CLMN: variants seen among roughly 807,000 people sequenced by gnomAD.
The protein encoded by CLMN is calmin (calponin-like, transmembrane).
Under a neutral mutation model 92.7 loss-of-function variants are expected in CLMN, and 57 were observed. The ratio of observed to expected loss-of-function variants is 0.61; its 90% confidence interval spans 0.50 to 0.77. The LOEUF (loss-of-function observed/expected upper bound fraction) is 0.77, where lower values mean the gene tolerates loss of function less well. Among genes scored for constraint, CLMN ranks in the 30% least tolerant of loss-of-function variants. The pLI is 0.00. For synonymous variants in CLMN, 466 were observed against 470.6 expected, an observed-to-expected ratio of 0.99 and a Z score of 0.13; for missense variants, 1,158 against 1,237.5, an observed-to-expected ratio of 0.94 and a Z score of 0.96.
chr14:95,229,480 G>A (rs555422214), intron 2 of CLMN, among the ~76,000 whole-genome samples: 1 of 152,266 alleles, frequency 6.6e-6, no homozygotes, highest in East Asian at 1.9e-4. Context: ...AGAAGCCATG[G>A]AAAGTTCAGG....
intron 9 of CLMN, among the ~76,000 whole-genome samples, chr14:95,202,537 T>G (rs767308765): frequency 6.6e-6 from 1 of 152,176 alleles, no homozygotes; most frequent in Non-Finnish European, 1.5e-5. Context: ...CTGCCCCTCC[T>G]CTGCTGGACC....
chr14:95,258,687 TGTGTGG>T (rs1441529625), intron 1 of CLMN, among the ~76,000 whole-genome samples: 1 of 134,318 alleles, frequency 7.4e-6, no homozygotes. Context: ...ATATGTGTGG[TGTGTGG>T]TTGTGTGTGG....
rs1211054648 is a variant in CLMN, at chr14:95,188,240, AAGAT to A, written c.*3320_*3323del. 2.0e-5 allele frequency: 3 copies of A among 152,220 alleles called. No homozygotes were observed. The highest frequency in any genetic ancestry group is 7.2e-5 in the African/African-American group (3 of 41,458). The allele number at this position is 152,220 out of a possible 1,614,324, so 9.4% of individuals were successfully genotyped here. A position where few individuals can be genotyped will look rare whatever the true frequency, so the allele number is the denominator to read the frequency against. On this transcript the variant is annotated 3_prime_UTR_variant, in exon 13 of 13. Transcript: ENST00000298912. ...TATTTGAGAAAAATTCACAACGTGA[AAGAT>A]AGAGACTGAGACCACCAAAATAAAG...
intron 1 of CLMN, among the ~76,000 whole-genome samples, chr14:95,246,423 T>C (rs573826450): frequency 6.6e-6 from 1 of 152,342 alleles, no homozygotes; most frequent in East Asian, 1.9e-4. Flanking sequence ...GGGCTTCCCA[T>C]GGGGCCCTGC....
intron 1 of CLMN, among the ~76,000 whole-genome samples, chr14:95,251,939 T>C (rs1267800673): frequency 6.6e-6 from 1 of 152,088 alleles, no homozygotes; most frequent in Non-Finnish European, 1.5e-5. Context: ...AGAGATGAGT[T>C]TTCTGCACTC....
chr14:95,290,150 C>T (rs1566916167), intron 1 of CLMN, among the ~76,000 whole-genome samples: 1 of 152,228 alleles, frequency 6.6e-6, no homozygotes, highest in East Asian at 1.9e-4. Flanking sequence ...CTGCAGAGCC[C>T]TTCACAGTGT....
intron 1 of CLMN, among the ~76,000 whole-genome samples, chr14:95,285,270 G>A (rs560447933): frequency 4.6e-5 from 7 of 152,288 alleles, no homozygotes; most frequent in East Asian, 1.9e-4. Flanking sequence ...TTTATCAGCA[G>A]TGTGAAAAAC....
At chr14:95,226,123 C>T (rs1163569954) in intron 2 of CLMN, among the ~76,000 whole-genome samples, 1 of 152,198 alleles carries the variant, frequency 6.6e-6, no homozygotes, top group Non-Finnish European at 1.5e-5. Flanking sequence ...ACAGTCACCC[C>T]TCAGTATCTA....
At chr14:95,277,420 C>A (rs1023570031) in intron 1 of CLMN, among the ~76,000 whole-genome samples, 1 of 152,184 alleles carries the variant, frequency 6.6e-6, no homozygotes, top group Admixed American at 6.5e-5. Context: ...TTTCTAACCA[C>A]GTGGCAGTTC....
At chr14:95,298,535 C>A (rs1900908389) in intron 1 of CLMN, among the ~76,000 whole-genome samples, 1 of 152,130 alleles carries the variant, frequency 6.6e-6, no homozygotes, top group South Asian at 2.1e-4. Flanking sequence ...GGAATGTGAC[C>A]CCTCACTTGC....
chr14:95,196,221 C>T (rs1354461915), intron 10 of CLMN, among the ~76,000 whole-genome samples: 4 of 151,476 alleles, frequency 2.6e-5, no homozygotes, highest in Non-Finnish European at 5.9e-5. Context: ...TATGGTTCAG[C>T]CATCTGCTGC....
intron 1 of CLMN, among the ~76,000 whole-genome samples, chr14:95,246,374 A>G (rs1898571130): frequency 6.6e-6 from 1 of 152,156 alleles, no homozygotes; most frequent in African/African-American, 2.4e-5. Flanking sequence ...GTTCTTGTCC[A>G]TCTTTCTTCT....
At position 95,316,425 on chromosome 14, in the gene CLMN, T is replaced by A. The variant is rs567921080; in HGVS notation, c.82+3286A>T. On this transcript the variant is annotated intron_variant, in intron 1 of 12. Coordinates refer to ENST00000298912, the MANE Select transcript of CLMN (RefSeq NM_024734.4). Reference sequence around the variant, plus strand: ...TTTTTGAGCTATGCATGTGAACATATCCATGAACACTGCATCTGCTCAAGT... The same window carrying A: ...TTTTTGAGCTATGCATGTGAACATAACCATGAACACTGCATCTGCTCAAGT... Among the ~76,000 whole-genome samples, 22 of 152,334 alleles carry A rather than the reference T, an allele frequency of 1.4e-4. No homozygotes were observed. The East Asian group carries it at 2.9e-3, about 20-fold the overall frequency.
chr14:95,313,046 A>G (rs1306443744), intron 1 of CLMN, among the ~76,000 whole-genome samples: 2 of 152,144 alleles, frequency 1.3e-5, no homozygotes, highest in Non-Finnish European at 2.9e-5. Flanking sequence ...TCTCTACTAA[A>G]AATATAAAAA....
chr14:95,255,326 G>C (rs574696195), intron 1 of CLMN, among the ~76,000 whole-genome samples: 1 of 152,270 alleles, frequency 6.6e-6, no homozygotes, highest in Non-Finnish European at 1.5e-5. Flanking sequence ...CAGTCATCTG[G>C]GGTCTGAAAA....
intron 1 of CLMN, among the ~76,000 whole-genome samples, chr14:95,298,218 TC>T (rs1037143889): frequency 1.3e-5 from 2 of 150,334 alleles, no homozygotes; most frequent in Non-Finnish European, 3.0e-5. Context: ...CCCTTCCCCT[TC>T]CCCCCCAATA....
intron 8 of CLMN, among the ~76,000 whole-genome samples, chr14:95,205,849 A>C (rs1219857671): frequency 2.6e-5 from 4 of 152,228 alleles, no homozygotes; most frequent in African/African-American, 9.6e-5. Flanking sequence ...AAGGGGATAA[A>C]TGCACACAAA....
intron 1 of CLMN, among the ~76,000 whole-genome samples, chr14:95,288,291 C>T (rs963352793): frequency 1.3e-5 from 2 of 152,156 alleles, no homozygotes; most frequent in South Asian, 2.1e-4. Flanking sequence ...GACTAAGGTG[C>T]CCTGGGAGGG....
At chr14:95,251,292 A>G (rs899061375) in intron 1 of CLMN, among the ~76,000 whole-genome samples, 1 of 152,206 alleles carries the variant, frequency 6.6e-6, no homozygotes, top group Non-Finnish European at 1.5e-5. Context: ...ATGGGATCCA[A>G]TCATTCTGGC....
Sources: gnomAD v4.1 joint callset for allele counts (sites outside exome capture counted in the v4.1 genomes callset) on GRCh38, gnomAD v4.1.1 for gene constraint, MANE v1.5 for transcripts, NCBI Gene and HGNC (gene_info 2026-07-23, HGNC 2026-07-21) for gene names.